KCTD8: variants seen among roughly 807,000 people sequenced by gnomAD.
KCTD8 encodes BTB/POZ domain-containing protein KCTD8.
KCTD8 carries 27 observed loss-of-function variants against 31.5 expected under a neutral mutation model. That is an observed-to-expected ratio of 0.86 (90% CI 0.63 to 1.18). KCTD8 has a LOEUF of 1.18. KCTD8 is among the 50% of genes most tolerant of loss of function. The pLI is 0.00. For synonymous variants in KCTD8, 290 were observed against 280.0 expected, an observed-to-expected ratio of 1.04 and a Z score of -0.36; for missense variants, 658 against 647.7, an observed-to-expected ratio of 1.02 and a Z score of -0.17.
chr4:44,402,145 GAAC>G (rs1314731529), intron 1 of KCTD8, among the ~76,000 whole-genome samples: 12 of 152,152 alleles, frequency 7.9e-5, no homozygotes, highest in Non-Finnish European at 1.6e-4. Flanking sequence ...TAGAGCTGGA[GAAC>G]AACAACTGAA....
chr4:44,271,795 A>G (rs1716612952), intron 1 of KCTD8, among the ~76,000 whole-genome samples: 1 of 152,092 alleles, frequency 6.6e-6, no homozygotes, highest in South Asian at 2.1e-4. Flanking sequence ...TATAATCTAT[A>G]GAAACAATGT....
intron 1 of KCTD8, among the ~76,000 whole-genome samples, chr4:44,328,592 T>C (rs1032151748): frequency 7.2e-5 from 11 of 151,958 alleles, no homozygotes; most frequent in Non-Finnish European, 1.3e-4. Flanking sequence ...TTTTAGATGA[T>C]TTTCCATTAG....
At chr4:44,363,717 TA>T (rs1344587173) in intron 1 of KCTD8, among the ~76,000 whole-genome samples, 3 of 152,118 alleles carry the variant, frequency 2.0e-5, no homozygotes, top group African/African-American at 7.2e-5. Context: ...TAGTCACTTT[TA>T]TTGCTTTCAT....
chr4:44,333,247 C>G (rs1718636670), intron 1 of KCTD8, among the ~76,000 whole-genome samples: 2 of 151,990 alleles, frequency 1.3e-5, no homozygotes, highest in Non-Finnish European at 2.9e-5. Context: ...ATACAGGGAC[C>G]AGGAAAGATG....
chr4:44,438,823 A>G (rs1577672613), intron 1 of KCTD8, among the ~76,000 whole-genome samples: 3 of 152,308 alleles, frequency 2.0e-5, no homozygotes, highest in African/African-American at 7.2e-5. Flanking sequence ...GCAAAAGCTA[A>G]CATGTGTTGA....
At chr4:44,340,908 T>C (rs577332618) in intron 1 of KCTD8, among the ~76,000 whole-genome samples, 2 of 151,898 alleles carry the variant, frequency 1.3e-5, no homozygotes, top group Non-Finnish European at 2.9e-5. Context: ...TACATTGTGA[T>C]AGGATTGTAT....
chr4:44,300,528 T>A (rs903906731), intron 1 of KCTD8, among the ~76,000 whole-genome samples: 25 of 152,214 alleles, frequency 1.6e-4, no homozygotes, highest in Non-Finnish European at 2.6e-4. Flanking sequence ...TATTGCCATC[T>A]CTTTTTAAAT....
chr4:44,400,239 C>T (rs1038953384), intron 1 of KCTD8, among the ~76,000 whole-genome samples: 3 of 152,156 alleles, frequency 2.0e-5, no homozygotes, highest in Non-Finnish European at 4.4e-5. Context: ...TACCCAACAA[C>T]AACTGCTGAG....
chr4:44,213,184 C>T (rs915982714), intron 1 of KCTD8, among the ~76,000 whole-genome samples: 6 of 152,302 alleles, frequency 3.9e-5, no homozygotes, highest in African/African-American at 9.6e-5. Flanking sequence ...GATCCGCCTG[C>T]CTCGGCCTCC....
chr4:44,323,633 T>C (rs1033875476), intron 1 of KCTD8, among the ~76,000 whole-genome samples: 2 of 151,862 alleles, frequency 1.3e-5, no homozygotes, highest in Admixed American at 6.5e-5. Flanking sequence ...CTTAGAATCC[T>C]TCATGAGAGC....
chr4:44,200,313 G>A (rs1714100598), intron 1 of KCTD8, among the ~76,000 whole-genome samples: 1 of 151,548 alleles, frequency 6.6e-6, no homozygotes, highest in African/African-American at 2.4e-5. Flanking sequence ...ATTCTATGAA[G>A]CCAGTATCAT....
At position 44,180,582 on chromosome 4, in the gene KCTD8, T is replaced by TGCACAC. The variant is rs200270284; in HGVS notation, c.962-5333_962-5332insGTGTGC. 3.2e-3 allele frequency among the ~76,000 whole-genome samples: 471 copies of TGCACAC among 145,262 alleles called. 1 individual carries two copies. The highest frequency in any genetic ancestry group is 0.011 in the African/African-American group (445 of 38,860). On this transcript the variant is annotated intron_variant, in intron 1 of 1. Coordinates refer to ENST00000360029, the MANE Select transcript of KCTD8 (RefSeq NM_198353.3). ...ATTTTTGAAGAACAGTCAGTATACA[T>TGCACAC]ACATGCACACACACACACACACACA...
rs936888568 is a variant in KCTD8 at position 44,329,814 on chromosome 4, T to G, written c.961+117749A>C. Among the ~76,000 whole-genome samples, 6 of 152,098 alleles carry G rather than the reference T, an allele frequency of 3.9e-5. No individual in the cohort carries two copies. The East Asian group carries it at 9.7e-4, about 24-fold the overall frequency. On this transcript the variant is annotated intron_variant, in intron 1 of 1. Coordinates refer to ENST00000360029, the MANE Select transcript of KCTD8 (RefSeq NM_198353.3). ...AATATTCTTGAGATACAAATAATTC[T>G]TGGAATAGTCTTTTTCACATAAAAT... is the stretch of plus-strand genomic sequence containing the variant.
intron 1 of KCTD8, among the ~76,000 whole-genome samples, chr4:44,282,651 G>T (rs1475214341): frequency 1.3e-5 from 2 of 152,096 alleles, no homozygotes; most frequent in Admixed American, 1.3e-4. Context: ...AAAAGTTCTT[G>T]AAGGAAAGTA....
At chr4:44,251,050 T>C (rs1715816930) in intron 1 of KCTD8, among the ~76,000 whole-genome samples, 1 of 151,738 alleles carries the variant, frequency 6.6e-6, no homozygotes, top group African/African-American at 2.4e-5. Flanking sequence ...CAGTTTTCCA[T>C]ATGGATAGCC....
chr4:44,426,472 A>G (rs1225855638), intron 1 of KCTD8, among the ~76,000 whole-genome samples: 2 of 151,858 alleles, frequency 1.3e-5, no homozygotes, highest in East Asian at 1.9e-4. Context: ...GGGAGAGAAA[A>G]AGAGAAAGAG....
chr4:44,276,796 AAAATT>A (rs1716763871), intron 1 of KCTD8, among the ~76,000 whole-genome samples: 1 of 151,976 alleles, frequency 6.6e-6, no homozygotes. Flanking sequence ...TATTTGTTCT[AAAATT>A]AAAGAATGAA....
chr4:44,380,249 C>G (rs532016309), intron 1 of KCTD8, among the ~76,000 whole-genome samples: 1 of 151,818 alleles, frequency 6.6e-6, no homozygotes, highest in South Asian at 2.1e-4. Flanking sequence ...CTAATGGTCC[C>G]TAACAACATT....
chr4:44,411,329 G>T (rs925130389), intron 1 of KCTD8, among the ~76,000 whole-genome samples: 2 of 133,998 alleles, frequency 1.5e-5, no homozygotes, highest in Non-Finnish European at 3.1e-5. Context: ...AGTGAGCCAT[G>T]AATGTGCCAC....
Sources: gnomAD v4.1 joint callset for allele counts (sites outside exome capture counted in the v4.1 genomes callset) on GRCh38, gnomAD v4.1.1 for gene constraint, MANE v1.5 for transcripts, NCBI Gene and HGNC (gene_info 2026-07-23, HGNC 2026-07-21) for gene names.